Variants in FAM53A observed in about 807,000 individuals in gnomAD.
FAM53A encodes family with sequence similarity 53 member A.
In FAM53A, 28 loss-of-function variants were observed where a neutral mutation model predicts 26.6. The observed-to-expected ratio is 1.05, with a 90% CI of 0.78 to 1.45. FAM53A has a LOEUF of 1.45. Among genes scored for constraint, FAM53A ranks in the 40% most tolerant of loss-of-function variants. The pLI is 0.00. For missense variants in FAM53A, 650 were observed against 575.8 expected, an observed-to-expected ratio of 1.13 and a Z score of -1.32; for synonymous variants, 290 against 253.1, an observed-to-expected ratio of 1.15 and a Z score of -1.38.
chr4:1,586,600 CCT>C, the FAM53A span, among the ~76,000 whole-genome samples: 1 of 150,956 alleles, frequency 6.6e-6, no homozygotes, highest in Admixed American at 6.6e-5. Context: ...ACGGTGAAAC[CCT>C]GTCTCTACTA....
chr4:1,652,969 CACT>C (rs1713004075), intron 4 of FAM53A, among the ~76,000 whole-genome samples: 1 of 150,350 alleles, frequency 6.7e-6, no homozygotes, highest in Admixed American at 6.6e-5. Context: ...ACCACGCATA[CACT>C]ACACCACATA....
intron 1 of FAM53A, among the ~76,000 whole-genome samples, chr4:1,678,084 G>A (rs1269225474): frequency 5.3e-5 from 8 of 152,188 alleles, no homozygotes; most frequent in Admixed American, 2.0e-4. Context: ...CATCAAGACC[G>A]TGTGTGCCCA....
At chr4:1,612,115 C>T in the FAM53A span, among the ~76,000 whole-genome samples, 2 of 152,106 alleles carry the variant, frequency 1.3e-5, no homozygotes, top group Admixed American at 6.5e-5. Context: ...ACATTGCAGA[C>T]CCATTAAAGA....
intron 1 of FAM53A, among the ~76,000 whole-genome samples, chr4:1,627,732 T>TCCCTCCCTCCACCACC: frequency 6.6e-6 from 1 of 151,898 alleles, no homozygotes; most frequent in Non-Finnish European, 1.5e-5. Context: ...AGGGTCCCAC[T>TCCCTCCCTCCACCACC]CCCTCCCTCC....
intron 1 of FAM53A, among the ~76,000 whole-genome samples, chr4:1,624,559 G>A (rs1049904073): frequency 3.3e-5 from 5 of 152,198 alleles, no homozygotes; most frequent in Admixed American, 2.6e-4. Flanking sequence ...CCTGTAGGAA[G>A]ATTCCCACTC....
At chr4:1,575,506 G>A in the FAM53A span, among the ~76,000 whole-genome samples, 177 of 152,292 alleles carry the variant, frequency 1.2e-3, no homozygotes, top group Middle Eastern at 0.014. Context: ...GCCCCTGACA[G>A]AGGGGTGGCC....
the FAM53A span, among the ~76,000 whole-genome samples, chr4:1,599,961 C>G: frequency 6.6e-6 from 1 of 152,038 alleles, no homozygotes; most frequent in Non-Finnish European, 1.5e-5. The surrounding 1 kb of genome is among the most constrained non-coding windows in gnomAD (Gnocchi z 6.1). Context: ...TCCTCTCCCT[C>G]TCCCTTCCCC....
In FAM53A at chr4:1,649,985, TG is replaced by T. The variant is rs1338183942; in HGVS notation, c.882+4992del. ...GTTTGACTGTGAGGTGGCACAGGCG[TG>T]GCGTTTGACTGTGAGGTGGCACAGG... On this transcript the variant is annotated intron_variant, in intron 4 of 4. Coordinates refer to ENST00000308132, the MANE Select transcript of FAM53A (RefSeq NM_001174070.3). Among the ~76,000 whole-genome samples the T allele has an allele frequency of 8.1e-5, 7 of 86,320 alleles. No homozygotes were observed. The East Asian group carries it at 2.5e-3, about 31-fold the overall frequency. 56.6% of individuals were successfully genotyped at this position (86,320 alleles called of 152,430 possible).
chr4:1,591,602 T>C, the FAM53A span, among the ~76,000 whole-genome samples: 2 of 152,202 alleles, frequency 1.3e-5, no homozygotes, highest in Admixed American at 6.5e-5. Flanking sequence ...CATGTTATTG[T>C]GAGTGGACAA....
At chr4:1,636,039 G>T (rs1715824556), downstream of FAM53A, among the ~76,000 whole-genome samples, 1 of 151,488 alleles carries the variant, frequency 6.6e-6, no homozygotes, top group Non-Finnish European at 1.5e-5. Context: ...AGTAGAGATG[G>T]GGTTTCACCT....
rs375206644 is a variant in FAM53A at position 1,641,578 on chromosome 4, G to A, written c.912C>T (p.Ser304=). The part of the protein sequence containing the change: ...QTLKNSKSLC[S]LNYEDDDEDD... ...CCTCATCGTCATCTTCGTAATTGAG[G>A]GAGCAAAGGCTTTTTGAATTTTTTA... Residue 304 remains serine, a synonymous_variant, in exon 5 of 5, where the codon TCC becomes TCT. Coordinates refer to ENST00000308132, the MANE Select transcript of FAM53A (RefSeq NM_001174070.3). 2.2e-5 allele frequency: 35 copies of A among 1,614,044 alleles called. No individual in the cohort carries two copies. In the African/African-American group the frequency reaches 4.4e-4, roughly 20 times the overall value.
chr4:1,619,222 C>T (rs1412713152), intron 1 of FAM53A, among the ~76,000 whole-genome samples: 1 of 152,244 alleles, frequency 6.6e-6, no homozygotes, highest in Admixed American at 6.5e-5. Context: ...CAGGCTGAGG[C>T]AGGAGCTGCC....
At chr4:1,684,996 G>A (rs1715723349), upstream of FAM53A, among the ~76,000 whole-genome samples, 1 of 152,122 alleles carries the variant, frequency 6.6e-6, no homozygotes, top group Non-Finnish European at 1.5e-5. Flanking sequence ...GGCAGCGGAA[G>A]GAGGCCGTGC....
intron 1 of FAM53A, among the ~76,000 whole-genome samples, chr4:1,674,230 A>G (rs1714879758): frequency 6.6e-6 from 1 of 152,142 alleles, no homozygotes; most frequent in African/African-American, 2.4e-5. Flanking sequence ...TTATAGCTGT[A>G]CCACTGCAAT....
intron 1 of FAM53A, among the ~76,000 whole-genome samples, chr4:1,682,494 C>T (rs1031017326): frequency 1.6e-4 from 25 of 152,092 alleles, no homozygotes; most frequent in Admixed American, 1.6e-3. Context: ...ATCTCCTGAC[C>T]TCGTGATCTG....
In FAM53A at chr4:1,655,045, C is replaced by T. The variant is rs770438437; in HGVS notation, c.815G>A (p.Arg272His). 6.3e-7 allele frequency: 1 copy of T among 1,585,944 alleles called. No homozygotes were observed. ...GGCGTCCTCCTCACGCCTCCGTTTG[C>T]GCCGGCTCCTCTTCCCACTGAGCAC... ...PCVLSGKRSR[R>H]KRRREEDARW... The change falls in exon 4 of 5, where the codon CGC becomes CAC. Residue 272 changes from arginine (R) to histidine (H), a missense_variant. Coordinates refer to ENST00000308132, the MANE Select transcript of FAM53A (RefSeq NM_001174070.3).
the FAM53A span, among the ~76,000 whole-genome samples, chr4:1,575,813 T>C: frequency 6.6e-6 from 1 of 152,080 alleles, no homozygotes; most frequent in Non-Finnish European, 1.5e-5. Context: ...GCCATCATTC[T>C]TGGAGGCCTG....
intron 1 of FAM53A, among the ~76,000 whole-genome samples, chr4:1,618,604 C>T (rs1170171081): frequency 6.6e-6 from 1 of 152,156 alleles, no homozygotes; most frequent in Non-Finnish European, 1.5e-5. Flanking sequence ...GGCTGTTTGG[C>T]AGCCTGAGGG....
chr4:1,628,561 A>G (rs1334803119), intron 1 of FAM53A, among the ~76,000 whole-genome samples: 2 of 1,738 alleles, frequency 1.2e-3, no homozygotes, highest in Admixed American at 6.7e-3. Flanking sequence ...GCATGGGGGG[A>G]GGGTGGCAGG....
Sources: allele counts gnomAD v4.1 joint callset (sites outside exome capture counted in the v4.1 genomes callset), GRCh38; gene constraint gnomAD v4.1.1; non-coding constraint Gnocchi (gnomAD v3.1); transcripts MANE v1.5; gene names NCBI Gene and HGNC (gene_info 2026-07-23, HGNC 2026-07-21).